The following SH3RF2 variants were observed in gnomAD, a reference collection of about 807,000 sequenced individuals.
The protein encoded by SH3RF2 is E3 ubiquitin-protein ligase SH3RF2.
SH3RF2 carries 43 observed loss-of-function variants against 59.0 expected under a neutral mutation model. The ratio of observed to expected loss-of-function variants is 0.73; its 90% CI spans 0.57 to 0.94. SH3RF2 has a LOEUF of 0.94. SH3RF2 is among the 40% of genes least tolerant of loss of function. The pLI is 0.00. For synonymous variants in SH3RF2, 391 were observed against 391.5 expected, an observed-to-expected ratio of 1.00 and a Z score of 0.01; for missense variants, 930 against 940.1, an observed-to-expected ratio of 0.99 and a Z score of 0.14.
At chr5:146,011,382 T>G (rs987491645) in intron 4 of SH3RF2, among the ~76,000 whole-genome samples, 1 of 152,218 alleles carries the variant, frequency 6.6e-6, no homozygotes, top group Non-Finnish European at 1.5e-5. Context: ...TGGTTCCATA[T>G]GAACTTTACA....
At chr5:146,028,896 C>A (rs1233799670) in intron 5 of SH3RF2, among the ~76,000 whole-genome samples, 2 of 152,138 alleles carry the variant, frequency 1.3e-5, no homozygotes, top group Admixed American at 6.5e-5. Context: ...TGGAAATGCG[C>A]CAAAACACGA....
intron 5 of SH3RF2, among the ~76,000 whole-genome samples, chr5:146,044,275 T>A: frequency 6.6e-6 from 1 of 151,960 alleles, no homozygotes; most frequent in African/African-American, 2.4e-5. Context: ...CTCAGCCTCC[T>A]GAGTAGCTGG....
chr5:146,063,389 C>T (rs1277021980), downstream of SH3RF2: 2 of 152,274 alleles, frequency 1.3e-5, no homozygotes, highest in Non-Finnish European at 1.5e-5. Flanking sequence ...TCCATTTTCC[C>T]ACATATAATC....
downstream of SH3RF2, among the ~76,000 whole-genome samples, chr5:146,064,789 AAGGAAGG>A (rs1763045128): frequency 1.1e-4 from 1 of 8,806 alleles, no homozygotes; most frequent in African/African-American, 3.1e-4. Context: ...GGAAGGAAGG[AAGGAAGG>A]AAGGAAGGAA....
chr5:146,029,752 T>C (rs1273785382), intron 5 of SH3RF2, among the ~76,000 whole-genome samples: 2 of 152,134 alleles, frequency 1.3e-5, no homozygotes, highest in Admixed American at 1.3e-4. Flanking sequence ...TGTGAATGCC[T>C]CAGGAACTTT....
intron 2 of SH3RF2, among the ~76,000 whole-genome samples, chr5:145,965,042 A>T (rs1758806609): frequency 6.6e-6 from 1 of 151,978 alleles, no homozygotes; most frequent in African/African-American, 2.4e-5. Context: ...AAACATAAAA[A>T]ATTAGCCAGG....
At chr5:145,943,999 C>T (rs1238441036) in intron 2 of SH3RF2, among the ~76,000 whole-genome samples, 2 of 152,174 alleles carry the variant, frequency 1.3e-5, no homozygotes, top group Non-Finnish European at 2.9e-5. Flanking sequence ...CTATTCAGCC[C>T]TTGACTCTTG....
rs754454685 is a variant in SH3RF2 at position 146,004,081 on chromosome 5, C to T, written c.672C>T (p.Ser224=). 2 of 1,612,668 alleles carry T rather than the reference C, an allele frequency of 1.2e-6. No homozygotes were observed. The highest frequency in any genetic ancestry group is 1.7e-6 in the Non-Finnish European group (2 of 1,178,988). ...FLKDDIITVI[S]RVDENWAEGK... ...AGGACGATATCATCACTGTGATCAG[C>T]CGAGTGGATGAGAACTGGGCAGAAG... The change falls in exon 4 of 10, where the codon AGC becomes AGT. Residue 224 remains serine (S), a synonymous_variant. Transcript: ENST00000359120.
chr5:146,075,757 G>C lies in SH3RF2; in HGVS notation c.*34-2703G>C, dbSNP rs181665912. On this transcript the variant is annotated intron_variant, in intron 9 of 9. Coordinates refer to the SH3RF2 transcript ENST00000511217. ...TGGCACCACTGTACTCCAGCCTTGGGCACAATGGCGAAATTCCATGTAAAA... is the reference window on the plus strand; with the variant it reads ...TGGCACCACTGTACTCCAGCCTTGGCCACAATGGCGAAATTCCATGTAAAA... 3.5e-3 allele frequency among the ~76,000 whole-genome samples: 472 copies of C among 133,340 alleles called. 2 individuals carry two copies. Among genetic ancestry groups the C allele is most frequent in the African/African-American group, 0.013 (461 of 34,660 alleles). 87.5% of individuals were successfully genotyped at this position (133,340 alleles called of 152,430 possible). A position where few individuals can be genotyped will look rare whatever the true frequency, so the allele number is the denominator to read the frequency against.
In SH3RF2 at chr5:146,014,024, T is replaced by C; in HGVS notation, c.1022T>C (p.Met341Thr). 1 of 1,614,038 alleles carries C rather than the reference T, an allele frequency of 6.2e-7. No individual in the cohort carries two copies. Among genetic ancestry groups the C allele is most frequent in the East Asian group, 2.2e-5 (1 of 44,876 alleles). The change falls in exon 5 of 10, where the codon ATG (methionine) becomes ACG (threonine). Residue 341 changes from methionine to threonine, a missense_variant. Transcript: ENST00000359120. ...SSNPSVITQP[M>T]EKADVPSSCV... The stretch of plus-strand genomic sequence containing the variant: ...AACCCCTCTGTGATCACCCAGCCCA[T>C]GGAGAAAGCAGACGTTCCTTCCAGC...
rs1164614860 is a variant in SH3RF2, at chr5:146,000,252, C to T, written c.573C>T (p.Leu191=). The change falls in exon 3 of 10, where the codon CTC becomes CTT. Residue 191 remains leucine (L), a synonymous_variant. Coordinates refer to ENST00000359120, the MANE Select transcript of SH3RF2 (RefSeq NM_152550.4). ...VIKQLPQPPP[L]CRALYNFDLR... is the part of the protein sequence containing the mutation. Reference sequence around the variant, plus strand: ...AGCAGCTGCCCCAGCCGCCCCCGCTCTGCAGGGCCCTCTACAACTTCGACC... The same window carrying T: ...AGCAGCTGCCCCAGCCGCCCCCGCTTTGCAGGGCCCTCTACAACTTCGACC... 1.2e-6 allele frequency: 2 copies of T among 1,613,884 alleles called. No individual in the cohort carries two copies. The highest frequency in any genetic ancestry group is 3.3e-5 in the Admixed American group (2 of 59,984).
At position 146,019,037 on chromosome 5, in the gene SH3RF2, A is replaced by G. The variant is rs571383703; in HGVS notation, c.1059+4976A>G. Among the ~76,000 whole-genome samples the G allele has an allele frequency of 6.6e-5, 10 of 152,174 alleles. No individual in the cohort carries two copies. The East Asian group carries it at 1.7e-3, about 26-fold the overall frequency. On this transcript the variant is annotated intron_variant, in intron 5 of 9. Coordinates refer to ENST00000359120, the MANE Select transcript of SH3RF2 (RefSeq NM_152550.4). ...GTCCTTTGTCAAATGCATAGTTTGCAAATATTTTCTTCTATTCTTAGGTTT... is the reference window on the plus strand; with the variant it reads ...GTCCTTTGTCAAATGCATAGTTTGCGAATATTTTCTTCTATTCTTAGGTTT...
downstream of SH3RF2, among the ~76,000 whole-genome samples, chr5:146,067,658 A>G (rs765523422): frequency 1.3e-5 from 2 of 152,214 alleles, no homozygotes; most frequent in African/African-American, 2.4e-5. Context: ...CTCATACGGC[A>G]TGGCAGAGCC....
intron 2 of SH3RF2, among the ~76,000 whole-genome samples, chr5:145,985,950 G>C (rs1232951214): frequency 6.6e-6 from 1 of 151,990 alleles, no homozygotes; most frequent in African/African-American, 2.4e-5. Context: ...GCTTCAGTGA[G>C]CAATGATTGC....
chr5:145,968,683 A>C (rs1758956065), intron 2 of SH3RF2, among the ~76,000 whole-genome samples: 1 of 152,236 alleles, frequency 6.6e-6, no homozygotes, highest in South Asian at 2.1e-4. Flanking sequence ...TCAATACAAA[A>C]ACTATTGAGA....
chr5:146,041,705 G>A (rs1011525293), intron 5 of SH3RF2, among the ~76,000 whole-genome samples: 2 of 152,120 alleles, frequency 1.3e-5, no homozygotes, highest in South Asian at 2.1e-4. Flanking sequence ...GGCCGAGGAC[G>A]TATCACCTGG....
chr5:145,963,420 A>G (rs1024288515), intron 2 of SH3RF2, among the ~76,000 whole-genome samples: 1 of 152,188 alleles, frequency 6.6e-6, no homozygotes, highest in Non-Finnish European at 1.5e-5. Context: ...TGGGCAATAT[A>G]GTGAGACTCC....
intron 5 of SH3RF2, among the ~76,000 whole-genome samples, chr5:146,017,753 C>T (rs1424401125): frequency 1.3e-5 from 2 of 152,134 alleles, no homozygotes; most frequent in African/African-American, 2.4e-5. Context: ...GTCCTCATCT[C>T]TTGCCTAGAC....
At chr5:146,026,146 C>T (rs1255096222) in intron 5 of SH3RF2, among the ~76,000 whole-genome samples, 1 of 152,112 alleles carries the variant, frequency 6.6e-6, no homozygotes, top group Non-Finnish European at 1.5e-5. Context: ...GTGATCTTGC[C>T]TCTTATATGT....
Sources: gnomAD v4.1 joint callset for allele counts (sites outside exome capture counted in the v4.1 genomes callset) on GRCh38, gnomAD v4.1.1 for gene constraint, MANE v1.5 for transcripts, NCBI Gene and HGNC (gene_info 2026-07-23, HGNC 2026-07-21) for gene names.